Variants in MORN1 observed in about 807,000 individuals in gnomAD.
MORN1 encodes MORN repeat-containing protein 1.
A neutral mutation model predicts 61.9 loss-of-function variants in MORN1; 67 were observed. The observed-to-expected ratio is 1.08, with a 90% CI of 0.89 to 1.33. The LOEUF (loss-of-function observed/expected upper bound fraction) is 1.33, where lower values mean the gene tolerates loss of function less well. MORN1 is among the 40% of genes most tolerant of loss of function. The pLI, the probability that MORN1 is intolerant of heterozygous loss-of-function variation, is 0.00. For missense variants in MORN1, 752 were observed against 691.2 expected (o/e 1.09, Z -0.99); for synonymous variants, 301 against 292.0 (o/e 1.03, Z -0.31).
At chr1:2,381,021 G>T (rs58350471) in intron 6 of MORN1, among the ~76,000 whole-genome samples, 1 of 152,222 alleles carries the variant, frequency 6.6e-6, no homozygotes, top group Non-Finnish European at 1.5e-5. Context: ...GAAGGTGGAG[G>T]AGAGGCACTG....
At chr1:2,328,257 G>A (rs947653964) in intron 12 of MORN1, among the ~76,000 whole-genome samples, 1 of 152,282 alleles carries the variant, frequency 6.6e-6, no homozygotes. Flanking sequence ...GCCAGGCCAG[G>A]GAGGGCGGTT....
intron 8 of MORN1, among the ~76,000 whole-genome samples, chr1:2,368,881 A>G (rs1642049564): frequency 6.6e-6 from 1 of 151,784 alleles, no homozygotes; most frequent in Admixed American, 6.6e-5. Context: ...ACATGGTGAA[A>G]CCCTGTCTCT....
In MORN1 at chr1:2,367,831, G is replaced by A. The variant is rs866858287; in HGVS notation, c.745+4650C>T. ...TTTAGTGGTGACAGGGTTTTGCCAC[G>A]TTGGCCAGGCTGGTCTTGAACTCCT... On this transcript the variant is annotated intron_variant, in intron 8 of 13. Transcript: ENST00000378531. 2.5e-4 allele frequency among the ~76,000 whole-genome samples: 38 copies of A among 152,230 alleles called. 1 individual carries two copies. The Middle Eastern group carries it at 0.02, about 82-fold the overall frequency.
intron 6 of MORN1, chr1:2,376,291 C>G (rs1642232217): frequency 6.6e-6 from 1 of 152,362 alleles, no homozygotes; most frequent in Admixed American, 6.5e-5. Flanking sequence ...CACTGTCTCT[C>G]ATCTCATTCA....
Position 2,357,725 on chromosome 1 carries a change from C to T in MORN1, c.870-127G>A. ...CTGAGTCCAGGGAGCGCTACTCAGC[C>T]TCTCTGGGAGGTCTCCTGCTGGGAT... On this transcript the variant is annotated intron_variant, in intron 9 of 13. Transcript: ENST00000378531. This position sits in a 1 kb window ranked among gnomAD's most constrained non-coding sequence, Gnocchi z 6.3. 8.7e-7 allele frequency: 1 copy of T among 1,147,666 alleles called. No homozygotes were observed. Among genetic ancestry groups the T allele is most frequent in the Non-Finnish European group, 1.2e-6 (1 of 860,708 alleles). The allele number at this position is 1,147,666 out of a possible 1,614,324, so 71.1% of individuals were successfully genotyped here.
intron 10 of MORN1, chr1:2,355,063 G>A (rs938816354): frequency 2.9e-6 from 2 of 701,262 alleles, no homozygotes; most frequent in Admixed American, 5.9e-5. Flanking sequence ...CCCAGACTCA[G>A]GCAGTGGGGC....
At chr1:2,351,100 C>T (rs1021937490) in intron 10 of MORN1, 1 of 152,540 alleles carries the variant, frequency 6.6e-6, no homozygotes, top group Non-Finnish European at 1.5e-5. Flanking sequence ...ATGCACGACC[C>T]CCGGGACGGA....
intron 8 of MORN1, among the ~76,000 whole-genome samples, chr1:2,370,690 A>G (rs534766677): frequency 6.9e-6 from 1 of 145,208 alleles, no homozygotes; most frequent in African/African-American, 2.5e-5. Flanking sequence ...TTTTTTTTTT[A>G]AATGAGACAG....
intron 12 of MORN1, among the ~76,000 whole-genome samples, chr1:2,335,644 G>A (rs1257025815): frequency 1.3e-5 from 2 of 152,180 alleles, no homozygotes; most frequent in Non-Finnish European, 1.5e-5. Context: ...CTCCAATCAG[G>A]AATCCCAAAC....
intron 6 of MORN1, among the ~76,000 whole-genome samples, chr1:2,382,967 C>A (rs1642406034): frequency 6.6e-6 from 1 of 152,128 alleles, no homozygotes. Flanking sequence ...ACTGCACCTC[C>A]CGCCTGACCA....
intron 12 of MORN1, among the ~76,000 whole-genome samples, chr1:2,324,997 T>A (rs1043300553): frequency 2.0e-5 from 3 of 151,676 alleles, no homozygotes; most frequent in African/African-American, 7.3e-5. Context: ...GTGCCTCCGA[T>A]GCTCCTGCTG....
intron 1 of MORN1, 146 bp from the exon 2 acceptor site, chr1:2,390,142 G>A: frequency 1.4e-6 from 1 of 726,480 alleles, no homozygotes; most frequent in Non-Finnish European, 2.3e-6. Context: ...CGACCTGTGG[G>A]GCTCATGAGC....
At chr1:2,348,725 G>GCACACACACGCACA (rs778268074) in intron 10 of MORN1, among the ~76,000 whole-genome samples, 19 of 133,416 alleles carry the variant, frequency 1.4e-4, no homozygotes, top group Admixed American at 2.2e-4. Flanking sequence ...GCGCGGGCAC[G>GCACACACACGCACA]CACACGCACA....
chr1:2,323,823 G>C (rs552000622), intron 13 of MORN1: 1 of 984,992 alleles, frequency 1.0e-6, no homozygotes, highest in Non-Finnish European at 1.2e-6. Context: ...CCCTGCCCCC[G>C]TGGCTTCCTC....
chr1:2,388,447 T>C (rs1483974603), intron 2 of MORN1, 110 bp from the exon 3 acceptor site: 16 of 806,866 alleles, frequency 2.0e-5, no homozygotes, highest in Non-Finnish European at 3.0e-5. Context: ...CTTCAAAACT[T>C]GTGTTTGGCT....
intron 6 of MORN1, among the ~76,000 whole-genome samples, chr1:2,382,404 C>T (rs918313650): frequency 3.3e-5 from 5 of 152,184 alleles, no homozygotes; most frequent in Admixed American, 2.0e-4. Context: ...AGCCAATGCA[C>T]CGAAAGGCTG....
chr1:2,347,482 C>T (rs1489113680), intron 10 of MORN1, among the ~76,000 whole-genome samples: 6 of 152,260 alleles, frequency 3.9e-5, no homozygotes, highest in Non-Finnish European at 7.4e-5. Flanking sequence ...AGGAGGATCC[C>T]GAGTGGCTGA....
intron 10 of MORN1, among the ~76,000 whole-genome samples, chr1:2,356,966 C>T (rs185117651): frequency 2.0e-5 from 3 of 152,304 alleles, no homozygotes; most frequent in Non-Finnish European, 2.9e-5. Context: ...CACGAAGAAA[C>T]GTGAGGCAAC....
chr1:2,332,414 G>C, intron 12 of MORN1: 1 of 355,990 alleles, frequency 2.8e-6, no homozygotes, highest in Non-Finnish European at 5.6e-6. Context: ...CCTGTCCTTG[G>C]TCCACACTCA....
Sources: gnomAD v4.1 joint callset for allele counts (sites outside exome capture counted in the v4.1 genomes callset) on GRCh38, gnomAD v4.1.1 for gene constraint, Gnocchi (gnomAD v3.1) non-coding constraint, MANE v1.5 for transcripts, NCBI Gene and HGNC (gene_info 2026-07-23, HGNC 2026-07-21) for gene names.